SETBP1: variants seen among roughly 807,000 people sequenced by gnomAD.
SETBP1 encodes the protein SET-binding protein.
A neutral mutation model predicts 101.0 loss-of-function variants in SETBP1; 9 were observed. The ratio of observed to expected loss-of-function variants is 0.09; its 90% CI spans 0.05 to 0.16. SETBP1 has a LOEUF of 0.16. Ranked by LOEUF, SETBP1 falls within the 10% of genes least tolerant of loss-of-function variation. The probability of loss-of-function intolerance (pLI) is 1.00; values close to 1 mark genes in which losing one functional copy is unlikely to be tolerated. For missense variants in SETBP1, 1,858 were observed against 2,033.8 expected (o/e 0.91, Z 1.66); for synonymous variants, 818 against 788.5 (o/e 1.04, Z -0.63).
chr18:45,017,070 G>A (rs1001470099), intron 4 of SETBP1, among the ~76,000 whole-genome samples: 1 of 152,130 alleles, frequency 6.6e-6, no homozygotes, highest in Non-Finnish European at 1.5e-5. Context: ...ACCGGGCCCA[G>A]CCTGTGGGGA....
At chr18:44,697,778 C>T (rs904144397) in intron 1 of SETBP1, among the ~76,000 whole-genome samples, 6 of 152,146 alleles carry the variant, frequency 3.9e-5, no homozygotes, top group South Asian at 2.1e-4. Flanking sequence ...GTGAGCACCA[C>T]GGTCTGGAGT....
At chr18:44,876,616 A>T (rs911127709) in intron 3 of SETBP1, 2 of 1,551,388 alleles carry the variant, frequency 1.3e-6, no homozygotes, top group South Asian at 1.2e-5. Flanking sequence ...AGGCCAAGGC[A>T]TCCCATTCAA....
At chr18:44,685,300 AC>A (rs2068818597) in intron 1 of SETBP1, among the ~76,000 whole-genome samples, 1 of 152,108 alleles carries the variant, frequency 6.6e-6, no homozygotes, top group Non-Finnish European at 1.5e-5. Context: ...CACCAAAAAT[AC>A]CCCCTTTCAT....
chr18:45,027,481 A>C (rs994664647), intron 4 of SETBP1, among the ~76,000 whole-genome samples: 4 of 152,208 alleles, frequency 2.6e-5, no homozygotes, highest in African/African-American at 9.6e-5. Context: ...TAAGATATTA[A>C]CCAAAAATAT....
intron 4 of SETBP1, among the ~76,000 whole-genome samples, chr18:44,975,742 A>G (rs941955571): frequency 1.3e-5 from 2 of 152,330 alleles, no homozygotes; most frequent in East Asian, 1.9e-4. Flanking sequence ...TCTTTTCCCA[A>G]TTTATCTGAC....
intron 4 of SETBP1, among the ~76,000 whole-genome samples, chr18:44,995,308 A>AT (rs1306012648): frequency 7.9e-5 from 12 of 151,596 alleles, no homozygotes; most frequent in Non-Finnish European, 1.6e-4. Context: ...TGCCCGACTA[A>AT]TTTTTTGTAT....
intron 3 of SETBP1, among the ~76,000 whole-genome samples, chr18:44,944,125 C>T (rs1265285620): frequency 6.6e-6 from 1 of 152,152 alleles, no homozygotes; most frequent in African/African-American, 2.4e-5. Flanking sequence ...TGAGCCACTG[C>T]GCCTGGCCTG....
chr18:45,005,224 C>G (rs1353468427), intron 4 of SETBP1, among the ~76,000 whole-genome samples: 1 of 152,142 alleles, frequency 6.6e-6, no homozygotes, highest in Non-Finnish European at 1.5e-5. Flanking sequence ...GATGGTTAAC[C>G]CTTAAAAGTC....
At chr18:44,877,058 C>T in intron 3 of SETBP1, 3 of 1,072,852 alleles carry the variant, frequency 2.8e-6, no homozygotes, top group Non-Finnish European at 3.4e-6. Flanking sequence ...CATGCCTTTA[C>T]TCTCTAGGCC....
chr18:44,950,742 A>G lies in SETBP1; in HGVS notation c.1402A>G (p.Ser468Gly), dbSNP rs1249796491. 1 of 1,614,050 alleles carries G rather than the reference A, an allele frequency of 6.2e-7. No individual in the cohort carries two copies. The highest frequency in any genetic ancestry group is 8.5e-7 in the Non-Finnish European group (1 of 1,180,044). Residue 468 changes from serine (S) to glycine (G), a missense_variant, in exon 4 of 6, where the codon AGT becomes GGT. Ser to Gly is a moderately conservative substitution (Grantham distance 56). Around this residue, in one of 12 missense-constraint regions of SETBP1, gnomAD observed 581 missense variants for 535.1 expected, o/e 1.09. Coordinates refer to ENST00000649279, the MANE Select transcript of SETBP1 (RefSeq NM_015559.3). ...NKKDPRVPKL[S>G]KMIENESPSV... ...GAAGGATCCCCGTGTCCCTAAGTTG[A>G]GTAAAATGATAGAGAATGAGTCCCC...
At chr18:44,708,152 C>T (rs567867139) in intron 2 of SETBP1, among the ~76,000 whole-genome samples, 81 of 152,268 alleles carry the variant, frequency 5.3e-4, no homozygotes, top group African/African-American at 1.9e-3. Context: ...TTCTTCTCCT[C>T]CACACAAGTG....
chr18:44,747,042 GC>G (rs2070270778), intron 2 of SETBP1, among the ~76,000 whole-genome samples: 1 of 152,210 alleles, frequency 6.6e-6, no homozygotes, highest in Non-Finnish European at 1.5e-5. Context: ...TCACATGCCA[GC>G]CCCAGCCTTG....
At chr18:45,038,725 G>T (rs2073450793) in intron 5 of SETBP1, 70 bp downstream of exon 5, 8 of 1,535,940 alleles carry the variant, frequency 5.2e-6, no homozygotes, top group Non-Finnish European at 7.2e-6. Flanking sequence ...ACTGAGAATG[G>T]CCTGTTGAAT....
intron 2 of SETBP1, among the ~76,000 whole-genome samples, chr18:44,761,019 A>C (rs895620815): frequency 6.6e-6 from 1 of 152,222 alleles, no homozygotes; most frequent in East Asian, 1.9e-4. Context: ...ATTTGTATCT[A>C]CTGTGTACCA....
intron 3 of SETBP1, among the ~76,000 whole-genome samples, chr18:44,902,247 TC>T (rs1480596846): frequency 6.6e-6 from 1 of 152,154 alleles, no homozygotes; most frequent in African/African-American, 2.4e-5. Flanking sequence ...TCTCTCTCTC[TC>T]TCTCTGTCTC....
chr18:45,018,589 G>A (rs2072996119), intron 4 of SETBP1, among the ~76,000 whole-genome samples: 1 of 152,242 alleles, frequency 6.6e-6, no homozygotes, highest in South Asian at 2.1e-4. Flanking sequence ...TAAAATAACA[G>A]CATGCTAGTT....
At chr18:44,992,177 A>T (rs1436988253) in intron 4 of SETBP1, among the ~76,000 whole-genome samples, 1 of 152,142 alleles carries the variant, frequency 6.6e-6, no homozygotes, top group East Asian at 1.9e-4. Context: ...AGAAAGGCTT[A>T]CCATATGACT....
intron 3 of SETBP1, among the ~76,000 whole-genome samples, chr18:44,872,738 G>C (rs571062480): frequency 8.5e-5 from 13 of 152,254 alleles, no homozygotes; most frequent in African/African-American, 3.1e-4. Flanking sequence ...TGATGCCCAC[G>C]TGCTTGTGCA....
chr18:44,938,180 C>A (rs1314165317), intron 3 of SETBP1, among the ~76,000 whole-genome samples: 1 of 152,220 alleles, frequency 6.6e-6, no homozygotes, highest in Non-Finnish European at 1.5e-5. Flanking sequence ...TCCCTGCTGT[C>A]TGGCCCCACA....
Sources: gnomAD v4.1 joint callset for allele counts (sites outside exome capture counted in the v4.1 genomes callset) on GRCh38, gnomAD v4.1.1 for gene constraint, gnomAD v4.1.1 regional missense constraint, MANE v1.5 for transcripts, NCBI Gene and HGNC (gene_info 2026-07-23, HGNC 2026-07-21) for gene names.